The following MAST4 variants were observed in gnomAD, a reference collection of about 807,000 sequenced individuals.
The protein encoded by MAST4 is microtubule associated serine/threonine kinase family member 4.
Under a neutral mutation model 162.7 loss-of-function variants are expected in MAST4, and 89 were observed. The observed-to-expected ratio is 0.55, with a 90% confidence interval of 0.46 to 0.65. MAST4 has a LOEUF of 0.65. MAST4 is among the 30% of genes least tolerant of loss of function. The pLI is 0.00. For synonymous variants in MAST4, 1,479 were observed against 1,361.1 expected (o/e 1.09, Z -1.91); for missense variants, 3,153 against 3,374.0 (o/e 0.93, Z 1.62).
chr5:66,672,522 C>T (rs960585191), intron 1 of MAST4, among the ~76,000 whole-genome samples: 2 of 152,154 alleles, frequency 1.3e-5, no homozygotes, highest in African/African-American at 2.4e-5. Flanking sequence ...TATATCCCCA[C>T]GGATTTTGGA....
At chr5:67,057,686 A>T (rs761360544) in intron 5 of MAST4, among the ~76,000 whole-genome samples, 6 of 152,008 alleles carry the variant, frequency 3.9e-5, no homozygotes, top group African/African-American at 9.7e-5. Context: ...ATGAAAAATA[A>T]TCCAGAAGTC....
chr5:66,786,984 AAG>A (rs2149672054), intron 2 of MAST4, among the ~76,000 whole-genome samples: 1 of 152,352 alleles, frequency 6.6e-6, no homozygotes, highest in South Asian at 2.1e-4. Flanking sequence ...AGGTTGTAAA[AAG>A]AAAGTCTAGA....
chr5:66,607,601 G>T (rs1434259200), intron 1 of MAST4, among the ~76,000 whole-genome samples: 1 of 152,168 alleles, frequency 6.6e-6, no homozygotes, highest in Non-Finnish European at 1.5e-5. Flanking sequence ...AGTTCTCAGG[G>T]TAATGCTGCT....
At chr5:67,151,308 G>C (rs1277679218) in intron 24 of MAST4, among the ~76,000 whole-genome samples, 1 of 150,572 alleles carries the variant, frequency 6.6e-6, no homozygotes, top group African/African-American at 2.5e-5. Flanking sequence ...CATCTGACAA[G>C]GGCTTGTTCC....
At chr5:66,702,071 C>T (rs1247802554) in intron 1 of MAST4, among the ~76,000 whole-genome samples, 2 of 152,158 alleles carry the variant, frequency 1.3e-5, no homozygotes, top group Non-Finnish European at 2.9e-5. Flanking sequence ...GTGCTGCTCC[C>T]AGGAGCAGAC....
intron 1 of MAST4, among the ~76,000 whole-genome samples, chr5:66,700,250 A>G (rs564918402): frequency 2.6e-5 from 4 of 152,214 alleles, no homozygotes; most frequent in Non-Finnish European, 4.4e-5. Flanking sequence ...TTAGCAAGAT[A>G]TTTTATAGAA....
intron 2 of MAST4, among the ~76,000 whole-genome samples, chr5:66,774,671 A>C (rs1353849375): frequency 6.6e-6 from 1 of 152,208 alleles, no homozygotes; most frequent in African/African-American, 2.4e-5. Context: ...TTGTATCCTC[A>C]AAGCAAAGCC....
intron 1 of MAST4, among the ~76,000 whole-genome samples, chr5:66,649,273 T>G (rs1698124645): frequency 6.6e-6 from 1 of 152,182 alleles, no homozygotes; most frequent in South Asian, 2.1e-4. Flanking sequence ...CAGGGTTGTC[T>G]GTCAGGTAAA....
At chr5:66,764,490 G>T (rs57949590) in intron 2 of MAST4, among the ~76,000 whole-genome samples, 3,027 of 152,228 alleles carry the variant, frequency 0.02, 100 homozygotes, top group African/African-American at 0.068. Flanking sequence ...TTTGGTCAGT[G>T]ATGGGCCATA....
chr5:66,919,520 G>T (rs1052864296), intron 4 of MAST4, among the ~76,000 whole-genome samples: 1 of 151,958 alleles, frequency 6.6e-6, no homozygotes, highest in Admixed American at 6.6e-5. Context: ...AACTAGCCAG[G>T]CATGGTGGCA....
At chr5:66,657,101 A>G (rs1389233901) in intron 1 of MAST4, among the ~76,000 whole-genome samples, 2 of 152,216 alleles carry the variant, frequency 1.3e-5, no homozygotes, top group African/African-American at 2.4e-5. Flanking sequence ...AAAAATGTTC[A>G]TTCCAGAGGT....
At chr5:67,109,494 G>A (rs751444747) in intron 10 of MAST4, among the ~76,000 whole-genome samples, 81 of 151,398 alleles carry the variant, frequency 5.4e-4, no homozygotes, top group Non-Finnish European at 9.1e-4. Context: ...TCTAAAATTT[G>A]AAAAAAAATC....
intron 2 of MAST4, among the ~76,000 whole-genome samples, chr5:66,762,076 A>G (rs557932534): frequency 2.8e-4 from 43 of 152,328 alleles, no homozygotes; most frequent in Middle Eastern, 3.4e-3. Flanking sequence ...CAGATATATG[A>G]TCTCAAACAT....
chr5:66,977,321 T>A (rs57779193), intron 4 of MAST4, among the ~76,000 whole-genome samples: 7,214 of 151,922 alleles, frequency 0.047, 576 homozygotes, highest in African/African-American at 0.16. Flanking sequence ...GCAGGTCTCT[T>A]AACTCCCAAC....
intron 1 of MAST4, among the ~76,000 whole-genome samples, chr5:66,724,478 T>C (rs1314082162): frequency 1.3e-5 from 2 of 152,180 alleles, no homozygotes; most frequent in Non-Finnish European, 2.9e-5. Context: ...ATTTATGTAT[T>C]ATGAAATGTG....
intron 1 of MAST4, among the ~76,000 whole-genome samples, chr5:66,642,353 T>A (rs1367613071): frequency 4.6e-5 from 7 of 152,212 alleles, no homozygotes. Context: ...ACCTCAACAT[T>A]ATAAAAAACT....
intron 21 of MAST4, among the ~76,000 whole-genome samples, chr5:67,144,259 T>G (rs1245757339): frequency 6.6e-6 from 1 of 152,178 alleles, no homozygotes; most frequent in East Asian, 1.9e-4. Flanking sequence ...TTCCCACCCC[T>G]GACTGGTGGC....
chr5:66,853,555 T>A (rs1759465535), intron 3 of MAST4, among the ~76,000 whole-genome samples: 1 of 152,204 alleles, frequency 6.6e-6, no homozygotes, highest in Non-Finnish European at 1.5e-5. Flanking sequence ...CTAAGTAATC[T>A]TGTTCAGTAA....
chr5:67,080,579 G>A (rs1278145911), intron 5 of MAST4, among the ~76,000 whole-genome samples: 1 of 152,098 alleles, frequency 6.6e-6, no homozygotes, highest in African/African-American at 2.4e-5. Context: ...ATAAATGAAA[G>A]GACCGGAAAG....
Sources: gnomAD v4.1 joint callset for allele counts (sites outside exome capture counted in the v4.1 genomes callset) on GRCh38, gnomAD v4.1.1 for gene constraint, MANE v1.5 for transcripts, NCBI Gene and HGNC (gene_info 2026-07-23, HGNC 2026-07-21) for gene names.